The following UBAC2 variants were observed in gnomAD, a reference collection of about 807,000 sequenced individuals.
The protein encoded by UBAC2 is ubiquitin-associated domain-containing protein 2.
A neutral mutation model predicts 44.0 loss-of-function variants in UBAC2; 26 were observed. That is an observed-to-expected ratio of 0.59 (90% CI 0.43 to 0.82). The LOEUF is 0.82. Among genes scored for constraint, UBAC2 ranks in the 40% least tolerant of loss-of-function variants. UBAC2 has a pLI of 0.00. For synonymous variants in UBAC2, 155 were observed against 154.3 expected (o/e 1.00, Z -0.04); for missense variants, 329 against 419.4 (o/e 0.78, Z 1.88).
intron 7 of UBAC2, among the ~76,000 whole-genome samples, chr13:99,346,620 C>T (rs1182347352): frequency 6.6e-6 from 1 of 152,190 alleles, no homozygotes; most frequent in Non-Finnish European, 1.5e-5. Flanking sequence ...CTTCACCCCA[C>T]CCCTCCCACA....
chr13:99,383,928 C>T (rs747848), intron 8 of UBAC2, among the ~76,000 whole-genome samples: 38,953 of 152,264 alleles, frequency 0.26, 5,665 homozygotes, highest in African/African-American at 0.4. Context: ...TTCTTCCTCA[C>T]CTTGCTGAGT....
At chr13:99,366,105 G>A (rs984249011) in intron 7 of UBAC2, among the ~76,000 whole-genome samples, 4 of 152,012 alleles carry the variant, frequency 2.6e-5, no homozygotes, top group African/African-American at 9.7e-5. Context: ...TTTATCTTTT[G>A]TGGGGAGGAG....
intron 4 of UBAC2, among the ~76,000 whole-genome samples, chr13:99,268,611 CAAAAAAA>C (rs756827927): frequency 8.7e-4 from 66 of 75,706 alleles, no homozygotes; most frequent in Middle Eastern, 0.014. Context: ...GACTCTGTCT[CAAAAAAA>C]AAAAAAAAAA....
Position 99,376,684 on chromosome 13 carries a change from G to A in UBAC2, c.928-8544G>A, listed in dbSNP as rs554737709. On this transcript the variant is annotated intron_variant, in intron 8 of 8. Transcript: ENST00000403766. ...CAGGAAAGCAAAGCATGCTGGAGGC[G>A]AACCCAACTAGAGCTGGCTTCTCAA... 5.3e-5 allele frequency among the ~76,000 whole-genome samples: 8 copies of A among 152,306 alleles called. No homozygotes were observed. In the South Asian group the frequency reaches 6.2e-4, roughly 12 times the overall value.
intron 6 of UBAC2, among the ~76,000 whole-genome samples, chr13:99,324,101 A>C (rs2138789802): frequency 6.6e-6 from 1 of 152,316 alleles, no homozygotes; most frequent in African/African-American, 2.4e-5. Flanking sequence ...CACTTTCAGG[A>C]TTCTGTATGA....
intron 2 of UBAC2, among the ~76,000 whole-genome samples, chr13:99,242,490 C>T (rs2043318661): frequency 6.9e-6 from 1 of 144,454 alleles, no homozygotes; most frequent in African/African-American, 2.6e-5. Context: ...GACGGGGCGG[C>T]TGGCCGGGCG....
intron 7 of UBAC2, among the ~76,000 whole-genome samples, chr13:99,352,293 A>G (rs1367310118): frequency 6.6e-6 from 1 of 152,086 alleles, no homozygotes; most frequent in Admixed American, 6.5e-5. Flanking sequence ...ATTTGAGAAC[A>G]TTTTTCATCA....
chr13:99,238,935 G>GT (rs1476946185), intron 2 of UBAC2, among the ~76,000 whole-genome samples: 3 of 152,208 alleles, frequency 2.0e-5, no homozygotes, highest in Non-Finnish European at 4.4e-5. Context: ...TCTGTCAGCT[G>GT]TATCAGATTA....
At chr13:99,359,112 G>A (rs533500215) in intron 7 of UBAC2, among the ~76,000 whole-genome samples, 8 of 152,290 alleles carry the variant, frequency 5.3e-5, no homozygotes, top group Admixed American at 1.3e-4. Flanking sequence ...CTGAGAAGGC[G>A]TAGCTAGAGG....
At chr13:99,269,507 T>C (rs1695583437) in intron 4 of UBAC2, among the ~76,000 whole-genome samples, 1 of 152,224 alleles carries the variant, frequency 6.6e-6, no homozygotes, top group Non-Finnish European at 1.5e-5. Context: ...TTTTTTGCTT[T>C]CTTATAAGCA....
chr13:99,216,834 C>CTTTTTTTTTTTTTTTTTTTTT (rs11338165), intron 1 of UBAC2, among the ~76,000 whole-genome samples: 6 of 140,622 alleles, frequency 4.3e-5, no homozygotes, highest in Non-Finnish European at 4.6e-5. Context: ...TTTCTTTTTT[C>CTTTTTTTTTTTTTTTTTTTTT]TTTTTTTTTT....
intron 1 of UBAC2, among the ~76,000 whole-genome samples, chr13:99,217,988 C>T (rs1323539574): frequency 2.0e-5 from 3 of 152,220 alleles, no homozygotes; most frequent in African/African-American, 7.2e-5. Flanking sequence ...AGTATTATTT[C>T]TTCTCTCTTA....
chr13:99,205,938 A>G (rs1435155245), intron 1 of UBAC2: 1 of 154,278 alleles, frequency 6.5e-6, no homozygotes, highest in Middle Eastern at 3.1e-3. Context: ...CCTCCAAACA[A>G]GCTCTCAAGA....
intron 4 of UBAC2, among the ~76,000 whole-genome samples, chr13:99,274,335 G>C (rs1278901173): frequency 1.3e-5 from 2 of 151,278 alleles, no homozygotes; most frequent in Admixed American, 6.6e-5. Flanking sequence ...CCATTCTACT[G>C]CTTTTTTTTT....
intron 1 of UBAC2, among the ~76,000 whole-genome samples, chr13:99,223,646 G>A (rs1414666798): frequency 1.4e-5 from 2 of 138,436 alleles, no homozygotes; most frequent in Non-Finnish European, 3.0e-5. Flanking sequence ...TCCCCTCTAA[G>A]CATTGCTCTA....
intron 1 of UBAC2, among the ~76,000 whole-genome samples, chr13:99,232,686 C>T (rs924228086): frequency 3.3e-5 from 5 of 152,070 alleles, no homozygotes; most frequent in Non-Finnish European, 5.9e-5. Flanking sequence ...CTTTGGGAGG[C>T]CGAGGCGGGC....
intron 4 of UBAC2, among the ~76,000 whole-genome samples, chr13:99,249,047 C>G (rs1234164402): frequency 1.3e-5 from 2 of 152,062 alleles, no homozygotes; most frequent in East Asian, 1.9e-4. Flanking sequence ...CTTTCAGATT[C>G]AGGGGGTACA....
intron 8 of UBAC2, among the ~76,000 whole-genome samples, chr13:99,382,727 A>G (rs1486212134): frequency 6.6e-6 from 1 of 152,224 alleles, no homozygotes. Flanking sequence ...CAGGGAGCCC[A>G]GGACAGAAGG....
chr13:99,336,236 G>T (rs2044787152), intron 6 of UBAC2, among the ~76,000 whole-genome samples: 1 of 152,126 alleles, frequency 6.6e-6, no homozygotes, highest in Admixed American at 6.5e-5. Flanking sequence ...TCTGAATGCT[G>T]CCTTGGTTGG....
Sources: allele counts gnomAD v4.1 joint callset (sites outside exome capture counted in the v4.1 genomes callset), GRCh38; gene constraint gnomAD v4.1.1; transcripts MANE v1.5; gene names NCBI Gene and HGNC (gene_info 2026-07-23, HGNC 2026-07-21).